The following DLGAP2 variants were observed in gnomAD, a reference collection of about 807,000 sequenced individuals.
DLGAP2 encodes the protein DLG associated protein 2.
In DLGAP2, 26 loss-of-function variants were observed where a neutral mutation model predicts 100.3. The observed-to-expected ratio is 0.26, with a 90% CI of 0.19 to 0.36. The LOEUF (loss-of-function observed/expected upper bound fraction) is 0.36, where lower values mean the gene tolerates loss of function less well. DLGAP2 is among the 10% of genes least tolerant of loss of function. DLGAP2 has a pLI of 1.00. For missense variants in DLGAP2, 1,858 were observed against 1,453.2 expected (o/e 1.28, Z -4.53); for synonymous variants, 886 against 630.1 (o/e 1.41, Z -6.08).
chr8:1,185,721 ACACACT>A (rs199741748), intron 2 of DLGAP2, among the ~76,000 whole-genome samples: 4 of 62,216 alleles, frequency 6.4e-5, no homozygotes, highest in East Asian at 5.6e-4. Flanking sequence ...ACACACACAC[ACACACT>A]CACACTCACA....
chr8:950,622 CTTTTTTTT>C (rs34631994), intron 2 of DLGAP2, among the ~76,000 whole-genome samples: 1 of 130,512 alleles, frequency 7.7e-6, no homozygotes, highest in African/African-American at 2.9e-5. Context: ...TTTTCTTTTT[CTTTTTTTT>C]TTTTTTTTTG....
At chr8:1,178,546 A>G (rs1008681315) in intron 2 of DLGAP2, among the ~76,000 whole-genome samples, 1 of 152,214 alleles carries the variant, frequency 6.6e-6, no homozygotes, top group African/African-American at 2.4e-5. Flanking sequence ...ACTGGGATTT[A>G]ACGAAAGGCA....
At chr8:1,036,058 C>T (rs1802110597) in intron 2 of DLGAP2, among the ~76,000 whole-genome samples, 12 of 129,468 alleles carry the variant, frequency 9.3e-5, no homozygotes, top group Non-Finnish European at 2.0e-4. Flanking sequence ...CCCGACCCCG[C>T]GTGTCACCGC....
intron 8 of DLGAP2, among the ~76,000 whole-genome samples, chr8:1,656,413 G>C (rs1391774482): frequency 2.0e-5 from 3 of 152,130 alleles, no homozygotes; most frequent in Non-Finnish European, 1.5e-5. Flanking sequence ...GTAAACCTAA[G>C]AATGTAGGCA....
intron 2 of DLGAP2, among the ~76,000 whole-genome samples, chr8:1,142,613 G>C (rs1369581277): frequency 6.6e-6 from 1 of 152,230 alleles, no homozygotes; most frequent in African/African-American, 2.4e-5. Context: ...GTAAGCCCTG[G>C]AGTCACAGGG....
intron 4 of DLGAP2, among the ~76,000 whole-genome samples, chr8:1,507,198 G>A (rs548150352): frequency 9.2e-5 from 14 of 152,364 alleles, no homozygotes; most frequent in African/African-American, 2.4e-4. Context: ...CGGGCGCCGC[G>A]GAGCAGGGGG....
chr8:1,527,095 A>G (rs1434473620), intron 4 of DLGAP2, among the ~76,000 whole-genome samples: 1 of 152,186 alleles, frequency 6.6e-6, no homozygotes, highest in East Asian at 1.9e-4. Context: ...CCCACCCGTT[A>G]CCACAGCTTC....
chr8:1,283,927 C>T (rs2116954599), intron 3 of DLGAP2, among the ~76,000 whole-genome samples: 1 of 152,336 alleles, frequency 6.6e-6, no homozygotes, highest in South Asian at 2.1e-4. Context: ...GTGGAAAATG[C>T]TAGAGCGTCC....
intron 2 of DLGAP2, among the ~76,000 whole-genome samples, chr8:1,030,447 C>T (rs1403717567): frequency 6.6e-6 from 1 of 152,130 alleles, no homozygotes; most frequent in Non-Finnish European, 1.5e-5. Context: ...GGTGCCTGGG[C>T]TGAAATGGAT....
chr8:1,659,980 C>T (rs1182985857), intron 8 of DLGAP2, among the ~76,000 whole-genome samples: 4 of 152,074 alleles, frequency 2.6e-5, no homozygotes, highest in Non-Finnish European at 2.9e-5. Context: ...GTGGCTGGTA[C>T]CAGTTTTTCC....
At chr8:767,443 G>A (rs1314585896) in intron 1 of DLGAP2, among the ~76,000 whole-genome samples, 1 of 147,182 alleles carries the variant, frequency 6.8e-6, no homozygotes, top group East Asian at 2.0e-4. Context: ...CTCACTGCAA[G>A]CTCTGCCTCC....
intron 1 of DLGAP2, among the ~76,000 whole-genome samples, chr8:906,546 T>C (rs914639383): frequency 3.9e-5 from 6 of 152,162 alleles, no homozygotes; most frequent in Non-Finnish European, 8.8e-5. Context: ...TGTGTGTGTG[T>C]GTTCTTGCAC....
At chr8:941,140 G>A (rs1799186823) in intron 2 of DLGAP2, among the ~76,000 whole-genome samples, 1 of 152,166 alleles carries the variant, frequency 6.6e-6, no homozygotes, top group Non-Finnish European at 1.5e-5. Context: ...GGGGGGTCGT[G>A]GGATGCTGCT....
At chr8:1,419,757 G>C (rs1364203247) in intron 3 of DLGAP2, among the ~76,000 whole-genome samples, 1 of 152,132 alleles carries the variant, frequency 6.6e-6, no homozygotes, top group Non-Finnish European at 1.5e-5. Context: ...TATAATGTTG[G>C]TGAGAATATA....
At chr8:1,421,545 G>C (rs1241138633) in intron 3 of DLGAP2, among the ~76,000 whole-genome samples, 3 of 152,132 alleles carry the variant, frequency 2.0e-5, no homozygotes, top group Non-Finnish European at 1.5e-5. Flanking sequence ...GGGGAATTTA[G>C]TTATTTCATT....
intron 1 of DLGAP2, 90 bp from the exon 2 acceptor site, chr8:907,822 T>C (rs1355977321): frequency 7.6e-6 from 3 of 397,142 alleles, no homozygotes; most frequent in Non-Finnish European, 1.3e-5. Context: ...TTGAACTACC[T>C]TATTAGAAGA....
At chr8:795,650 C>CAGCT (rs1796011158) in intron 1 of DLGAP2, among the ~76,000 whole-genome samples, 1 of 125,098 alleles carries the variant, frequency 8.0e-6, no homozygotes, top group African/African-American at 2.8e-5. Context: ...TGAGAGCAGG[C>CAGCT]GTCCAGTGAG....
intron 2 of DLGAP2, among the ~76,000 whole-genome samples, chr8:1,060,014 C>T (rs902102789): frequency 7.2e-5 from 11 of 152,084 alleles, no homozygotes; most frequent in African/African-American, 1.9e-4. Flanking sequence ...CAAGTGGTCG[C>T]TGGGATGGCT....
intron 3 of DLGAP2, among the ~76,000 whole-genome samples, chr8:1,439,204 C>A (rs547729389): frequency 3.3e-5 from 5 of 152,274 alleles, no homozygotes; most frequent in South Asian, 2.1e-4. Context: ...CCAGCCCCTC[C>A]CCTCCAGAGG....
Sources: allele counts gnomAD v4.1 joint callset (sites outside exome capture counted in the v4.1 genomes callset), GRCh38; gene constraint gnomAD v4.1.1; transcripts MANE v1.5; gene names NCBI Gene and HGNC (gene_info 2026-07-23, HGNC 2026-07-21).